The following LINGO2 variants were observed in gnomAD, a reference collection of about 807,000 sequenced individuals.
LINGO2 encodes the protein leucine-rich repeat and immunoglobulin-like domain-containing nogo receptor-interacting protein 2.
Under a neutral mutation model 30.6 loss-of-function variants are expected in LINGO2, and 14 were observed. The ratio of observed to expected loss-of-function variants is 0.46; its 90% CI spans 0.30 to 0.72. The LOEUF is 0.72. LINGO2 is among the 30% of genes least tolerant of loss of function. The pLI, the probability that LINGO2 is intolerant of heterozygous loss-of-function variation, is 0.07. For missense variants in LINGO2, 729 were observed against 751.7 expected (o/e 0.97, Z 0.35); for synonymous variants, 317 against 288.5 (o/e 1.10, Z -1.00).
intron 4 of LINGO2, among the ~76,000 whole-genome samples, chr9:28,226,119 C>A (rs1821134664): frequency 6.6e-6 from 1 of 152,124 alleles, no homozygotes; most frequent in African/African-American, 2.4e-5. Context: ...AAGATTTGGT[C>A]CACTGGAATG....
the LINGO2 span, among the ~76,000 whole-genome samples, chr9:29,190,302 A>C: frequency 6.6e-6 from 1 of 152,156 alleles, no homozygotes; most frequent in African/African-American, 2.4e-5. Context: ...ATAATAATTA[A>C]ATATTTTAAT....
At chr9:28,387,546 T>G (rs1357440427) in intron 2 of LINGO2, among the ~76,000 whole-genome samples, 1 of 152,212 alleles carries the variant, frequency 6.6e-6, no homozygotes, top group African/African-American at 2.4e-5. Context: ...ATCTTGGTGC[T>G]GCTCACTCTT....
intron 1 of LINGO2, among the ~76,000 whole-genome samples, chr9:28,540,241 GCTCT>G (rs952987278): frequency 1.3e-5 from 2 of 148,748 alleles, no homozygotes; most frequent in South Asian, 2.1e-4. Context: ...TTTGAGACAG[GCTCT>G]CTCTCTCTTT....
At chr9:28,902,216 T>C in the LINGO2 span, among the ~76,000 whole-genome samples, 3 of 152,122 alleles carry the variant, frequency 2.0e-5, no homozygotes, top group Non-Finnish European at 2.9e-5. Flanking sequence ...GGTATAGCTA[T>C]GCTTATATCA....
At chr9:28,493,710 G>A (rs1819463891) in intron 1 of LINGO2, among the ~76,000 whole-genome samples, 1 of 152,122 alleles carries the variant, frequency 6.6e-6, no homozygotes, top group South Asian at 2.1e-4. Flanking sequence ...TGTTGCCAAA[G>A]GAGATTAACA....
chr9:28,957,041 A>T, the LINGO2 span, among the ~76,000 whole-genome samples: 1 of 152,096 alleles, frequency 6.6e-6, no homozygotes, highest in African/African-American at 2.4e-5. Flanking sequence ...GGAGCACAGG[A>T]AATTGTCCCC....
At chr9:28,043,296 C>A (rs1282203038) in intron 4 of LINGO2, among the ~76,000 whole-genome samples, 1 of 152,210 alleles carries the variant, frequency 6.6e-6, no homozygotes, top group Non-Finnish European at 1.5e-5. Flanking sequence ...TTTCAGACAG[C>A]CATTGTGTTC....
chr9:28,163,135 T>C (rs2133608671), intron 4 of LINGO2, among the ~76,000 whole-genome samples: 1 of 151,988 alleles, frequency 6.6e-6, no homozygotes. Context: ...CCAGCAGGAG[T>C]GTGTGAAGTT....
In LINGO2 at chr9:28,611,803, A is replaced by ATTTAT. The variant is rs149970471; in HGVS notation, c.-365+58392_-365+58396dup. 9.1e-3 allele frequency among the ~76,000 whole-genome samples: 1,351 copies of ATTTAT among 148,640 alleles called. 20 individuals carry two copies. Among genetic ancestry groups the ATTTAT allele is most frequent in the African/African-American group, 0.03 (1,184 of 38,932 alleles). On this transcript the variant is annotated intron_variant, in intron 1 of 5. Transcript: ENST00000379992. ...GCCACATTTTCTTTTTTATTTATGT[A>ATTTAT]TTTATTTTATTTTATTTATTTATTT...
the LINGO2 span, among the ~76,000 whole-genome samples, chr9:28,820,486 A>G: frequency 6.6e-6 from 1 of 152,224 alleles, no homozygotes; most frequent in Non-Finnish European, 1.5e-5. Flanking sequence ...ACATTGACGT[A>G]TGTCAAGCAT....
chr9:29,049,016 G>A, the LINGO2 span, among the ~76,000 whole-genome samples: 1 of 152,036 alleles, frequency 6.6e-6, no homozygotes, highest in Non-Finnish European at 1.5e-5. Flanking sequence ...ACAATCAACA[G>A]AATGAAGACA....
At chr9:28,872,695 GT>G in the LINGO2 span, among the ~76,000 whole-genome samples, 3 of 152,032 alleles carry the variant, frequency 2.0e-5, no homozygotes, top group Non-Finnish European at 4.4e-5. Flanking sequence ...TAGGTACTTT[GT>G]TCATCAACAG....
chr9:28,931,788 A>G, the LINGO2 span, among the ~76,000 whole-genome samples: 1 of 152,118 alleles, frequency 6.6e-6, no homozygotes, highest in East Asian at 1.9e-4. Context: ...CAAATGAGGC[A>G]AATATAAAAT....
chr9:28,015,164 G>A (rs1822763832), intron 4 of LINGO2, among the ~76,000 whole-genome samples: 1 of 152,092 alleles, frequency 6.6e-6, no homozygotes, highest in Non-Finnish European at 1.5e-5. Flanking sequence ...TAACAAAATG[G>A]AAATATATTA....
At chr9:28,114,085 C>A (rs1826857417) in intron 4 of LINGO2, among the ~76,000 whole-genome samples, 1 of 45,294 alleles carries the variant, frequency 2.2e-5, no homozygotes, top group African/African-American at 5.1e-5. Context: ...AAATATGTCC[C>A]ATCAATACCT....
the LINGO2 span, among the ~76,000 whole-genome samples, chr9:29,115,318 C>G: frequency 4.6e-5 from 7 of 151,848 alleles, no homozygotes; most frequent in Non-Finnish European, 1.0e-4. Flanking sequence ...ATAAAGTCCA[C>G]TAAGAAAAAA....
the LINGO2 span, among the ~76,000 whole-genome samples, chr9:28,703,693 T>G: frequency 2.6e-5 from 4 of 152,010 alleles, no homozygotes; most frequent in Non-Finnish European, 5.9e-5. Context: ...TTAAAAGGCA[T>G]TGAACATTTT....
At chr9:29,171,479 T>G in the LINGO2 span, among the ~76,000 whole-genome samples, 2 of 152,032 alleles carry the variant, frequency 1.3e-5, no homozygotes, top group Non-Finnish European at 2.9e-5. Context: ...TGGATTTCCG[T>G]CAGTTGCTTT....
At chr9:28,088,203 TACAC>T (rs56044203) in intron 4 of LINGO2, among the ~76,000 whole-genome samples, 8,340 of 148,514 alleles carry the variant, frequency 0.056, 267 homozygotes, top group Middle Eastern at 0.1. Context: ...TATATAATTA[TACAC>T]ACACACACAC....
Sources: gnomAD v4.1 joint callset for allele counts (sites outside exome capture counted in the v4.1 genomes callset) on GRCh38, gnomAD v4.1.1 for gene constraint, MANE v1.5 for transcripts, NCBI Gene and HGNC (gene_info 2026-07-23, HGNC 2026-07-21) for gene names.